PTPRD: variants seen among roughly 807,000 people sequenced by gnomAD.
The protein encoded by PTPRD is protein tyrosine phosphatase receptor type D.
Under a neutral mutation model 214.5 loss-of-function variants are expected in PTPRD, and 34 were observed. The ratio of observed to expected loss-of-function variants is 0.16; its 90% CI spans 0.12 to 0.21. The LOEUF (loss-of-function observed/expected upper bound fraction) is 0.21. Among genes scored for constraint, PTPRD ranks in the 10% least tolerant of loss-of-function variants. The pLI, the probability that PTPRD is intolerant of heterozygous loss-of-function variation, is 1.00. For missense variants in PTPRD, 2,545 were observed against 2,398.7 expected (o/e 1.06, Z -1.27); for synonymous variants, 1,128 against 845.7 (o/e 1.33, Z -5.79).
intron 4 of PTPRD, among the ~76,000 whole-genome samples, chr9:9,968,763 A>G (rs1305554277): frequency 3.3e-5 from 5 of 152,212 alleles, no homozygotes; most frequent in Non-Finnish European, 4.4e-5. Context: ...CAAACAAAAA[A>G]TTAGCACAAC....
chr9:8,501,785 T>G (rs2097415472), intron 23 of PTPRD, among the ~76,000 whole-genome samples: 1 of 152,196 alleles, frequency 6.6e-6, no homozygotes, highest in Non-Finnish European at 1.5e-5. Context: ...ATGTCAGGAT[T>G]GTTGATTCTG....
At chr9:10,190,138 G>T (rs2099356162) in intron 3 of PTPRD, among the ~76,000 whole-genome samples, 1 of 151,258 alleles carries the variant, frequency 6.6e-6, no homozygotes, top group Non-Finnish European at 1.5e-5. Flanking sequence ...AGGCTGAGGG[G>T]GGTGGATCAC....
intron 2 of PTPRD, among the ~76,000 whole-genome samples, chr9:10,378,368 T>C (rs556740481): frequency 1.3e-5 from 2 of 152,146 alleles, no homozygotes; most frequent in Non-Finnish European, 2.9e-5. Context: ...TTGTAGGGTA[T>C]TGCTCAAAAA....
intron 4 of PTPRD, among the ~76,000 whole-genome samples, chr9:9,996,277 T>C (rs1276474867): frequency 6.6e-6 from 1 of 152,174 alleles, no homozygotes; most frequent in Non-Finnish European, 1.5e-5. Context: ...TATCTAATAA[T>C]TATTAATTAA....
chr9:8,399,555 T>A (rs12338889), intron 36 of PTPRD, among the ~76,000 whole-genome samples: 4,148 of 148,946 alleles, frequency 0.028, 190 homozygotes, highest in African/African-American at 0.098. Context: ...AAACGTGAGA[T>A]TAAACAAACA....
At chr9:9,249,830 G>C (rs1594545510) in intron 9 of PTPRD, among the ~76,000 whole-genome samples, 2 of 152,180 alleles carry the variant, frequency 1.3e-5, no homozygotes, top group East Asian at 3.9e-4. Context: ...TGAACTGGGA[G>C]ATGAAAAGAA....
At chr9:8,903,885 T>A (rs2098689783) in intron 11 of PTPRD, among the ~76,000 whole-genome samples, 1 of 152,186 alleles carries the variant, frequency 6.6e-6, no homozygotes, top group African/African-American at 2.4e-5. Context: ...ATTTACATAT[T>A]TATATCCCTC....
chr9:10,416,825 G>A (rs1270406482), intron 2 of PTPRD, among the ~76,000 whole-genome samples: 1 of 151,872 alleles, frequency 6.6e-6, no homozygotes, highest in Non-Finnish European at 1.5e-5. Context: ...ACTAGGCAAG[G>A]ATGCTGTTAT....
intron 4 of PTPRD, among the ~76,000 whole-genome samples, chr9:9,947,483 TATATATA>T (rs2092841021): frequency 1.5e-4 from 4 of 26,400 alleles, no homozygotes; most frequent in African/African-American, 1.9e-4. Flanking sequence ...ATATATATTT[TATATATA>T]TTATATATAT....
chr9:9,509,752 C>T (rs2096655150), intron 8 of PTPRD, among the ~76,000 whole-genome samples: 1 of 151,282 alleles, frequency 6.6e-6, no homozygotes. Flanking sequence ...AAACTCCTGG[C>T]TTTCAGTAAC....
chr9:9,256,758 T>C (rs922447352), intron 9 of PTPRD, among the ~76,000 whole-genome samples: 1 of 151,930 alleles, frequency 6.6e-6, no homozygotes, highest in East Asian at 1.9e-4. Flanking sequence ...AAAATGTCAT[T>C]CCTCTATATA....
At chr9:9,592,067 T>C (rs1032633520) in intron 7 of PTPRD, among the ~76,000 whole-genome samples, 4 of 152,088 alleles carry the variant, frequency 2.6e-5, no homozygotes, top group African/African-American at 7.2e-5. Flanking sequence ...GTTTAGTTTT[T>C]TTCTTAAGGC....
At chr9:10,527,377 G>T (rs897584977) in intron 2 of PTPRD, among the ~76,000 whole-genome samples, 3 of 152,078 alleles carry the variant, frequency 2.0e-5, no homozygotes, top group African/African-American at 7.2e-5. Context: ...CACCTGGGAG[G>T]TCTGTTTCAA....
At chr9:8,546,020 T>C (rs2080032994) in intron 14 of PTPRD, among the ~76,000 whole-genome samples, 1 of 152,212 alleles carries the variant, frequency 6.6e-6, no homozygotes, top group Non-Finnish European at 1.5e-5. Context: ...TAAGAAGATG[T>C]ACCTATTTAG....
intron 6 of PTPRD, among the ~76,000 whole-genome samples, chr9:9,756,484 CT>C (rs1425650409): frequency 6.6e-6 from 1 of 152,116 alleles, no homozygotes; most frequent in East Asian, 1.9e-4. Flanking sequence ...CCATTTCTAT[CT>C]ATATAGGAAT....
intron 2 of PTPRD, among the ~76,000 whole-genome samples, chr9:10,383,463 T>C (rs1313092248): frequency 6.6e-6 from 1 of 151,860 alleles, no homozygotes; most frequent in African/African-American, 2.4e-5. Context: ...AATAAATGCA[T>C]GGAACTAATG....
intron 35 of PTPRD, among the ~76,000 whole-genome samples, chr9:8,414,932 A>AGG (rs1251593549): frequency 2.0e-4 from 5 of 25,174 alleles, no homozygotes; most frequent in African/African-American, 4.2e-4. Flanking sequence ...AGGGAGGGGG[A>AGG]GAGAGAGAGA....
chr9:9,814,089 T>C (rs181480839), intron 5 of PTPRD, among the ~76,000 whole-genome samples: 79 of 152,262 alleles, frequency 5.2e-4, no homozygotes, highest in African/African-American at 1.9e-3. Flanking sequence ...TTTGATAAAA[T>C]TTATTATCTT....
intron 8 of PTPRD, among the ~76,000 whole-genome samples, chr9:9,511,220 G>C (rs1230638858): frequency 2.0e-5 from 3 of 151,644 alleles, no homozygotes; most frequent in Non-Finnish European, 4.4e-5. Context: ...AGTAAATGGA[G>C]ACATTTTATA....
Sources: allele counts gnomAD v4.1 joint callset (sites outside exome capture counted in the v4.1 genomes callset), GRCh38; gene constraint gnomAD v4.1.1; transcripts MANE v1.5; gene names NCBI Gene and HGNC (gene_info 2026-07-23, HGNC 2026-07-21).